NUP98: variants seen among roughly 807,000 people sequenced by gnomAD.
NUP98 encodes the protein nuclear pore complex protein Nup98-Nup96.
In NUP98, 26 loss-of-function variants were observed where a neutral mutation model predicts 191.9. That is an observed-to-expected ratio of 0.14 (90% CI 0.10 to 0.19). The LOEUF (loss-of-function observed/expected upper bound fraction) is 0.19, where lower values mean the gene tolerates loss of function less well. NUP98 is among the 10% of genes least tolerant of loss of function. The pLI is 1.00. For synonymous variants in NUP98, 808 were observed against 778.4 expected (o/e 1.04, Z -0.63); for missense variants, 1,941 against 2,178.8 (o/e 0.89, Z 2.17).
Position 3,751,681 on chromosome 11 carries a change from C to T in NUP98, c.1267+1635G>A, listed in dbSNP as rs1393419604. Among the ~76,000 whole-genome samples the T allele has an allele frequency of 4.6e-5, 7 of 151,388 alleles. No individual in the cohort carries two copies. The South Asian group carries it at 1.3e-3, about 27-fold the overall frequency. On this transcript the variant is annotated intron_variant, in intron 11 of 32. Transcript: ENST00000324932. Reference sequence around the variant, plus strand: ...CGAGACCAGCCTGGGCAAAACAGGTCGACCTCATCTCTCCAAAATATTAAA... The same window carrying T: ...CGAGACCAGCCTGGGCAAAACAGGTTGACCTCATCTCTCCAAAATATTAAA...
rs34103771 is a variant in NUP98, at chr11:3,770,547, TTG to T, written c.784+1199_784+1200del. Among the ~76,000 whole-genome samples, 599 of 146,780 alleles carry T rather than the reference TTG, an allele frequency of 4.1e-3. 2 individuals are homozygous for T. The highest frequency in any genetic ancestry group is 7.0e-3 in the East Asian group (35 of 5,026). On this transcript the variant is annotated intron_variant, in intron 7 of 32. Transcript: ENST00000324932. The stretch of plus-strand genomic sequence containing the variant: ...AAATATAACTTAGATAAATACGTAT[TTG>T]TGTGTGTGTGTGTGTGTGTGTGTGT...
chr11:3,729,714 TCAAAAAAAAAAAAAAAAAAA>T (rs1203828167), intron 14 of NUP98, among the ~76,000 whole-genome samples: 1 of 18,226 alleles, frequency 5.5e-5, no homozygotes. Flanking sequence ...GACTCTTGCC[TCAAAAAAAAAAAAAAAAAAA>T]AAAAAAAGGA....
chr11:3,702,408 T>C (rs1302990326), intron 23 of NUP98, 55 bp downstream of exon 23: 32 of 1,494,652 alleles, frequency 2.1e-5, no homozygotes, highest in Non-Finnish European at 2.7e-5. Context: ...TCCTGATTAG[T>C]TTTTTTCACC....
At chr11:3,747,712 G>A (rs1199779353) in intron 11 of NUP98, among the ~76,000 whole-genome samples, 3 of 152,312 alleles carry the variant, frequency 2.0e-5, no homozygotes, top group Middle Eastern at 3.4e-3. Context: ...GGAGGCTTGA[G>A]TTTGAATCAC....
At chr11:3,687,702 A>AC (rs2078171109) in intron 28 of NUP98, among the ~76,000 whole-genome samples, 1 of 152,262 alleles carries the variant, frequency 6.6e-6, no homozygotes, top group Non-Finnish European at 1.5e-5. Flanking sequence ...AGACGTTGTT[A>AC]AAGATCCTAC....
chr11:3,770,571 G>GTGTA (rs888910213), intron 7 of NUP98, among the ~76,000 whole-genome samples: 3 of 150,194 alleles, frequency 2.0e-5, no homozygotes, highest in African/African-American at 7.3e-5. Context: ...GTGTGTGTGT[G>GTGTA]TGTATGTACA....
intron 10 of NUP98, among the ~76,000 whole-genome samples, chr11:3,758,568 T>C (rs966957246): frequency 1.3e-5 from 2 of 152,162 alleles, no homozygotes; most frequent in African/African-American, 4.8e-5. Flanking sequence ...GCAGATCGCC[T>C]GAGGTCAGGA....
intron 1 of NUP98, among the ~76,000 whole-genome samples, chr11:3,788,182 G>C (rs2082207433): frequency 6.6e-6 from 1 of 152,162 alleles, no homozygotes; most frequent in Admixed American, 6.5e-5. Flanking sequence ...ATTTTAAATA[G>C]TCCATAGCAT....
chr11:3,688,898 G>GA (rs1240009819), intron 28 of NUP98, among the ~76,000 whole-genome samples: 160 of 140,494 alleles, frequency 1.1e-3, no homozygotes, highest in African/African-American at 3.0e-3. Context: ...TGTGACTAGA[G>GA]AAAAAAAAAA....
chr11:3,679,399 C>T (rs751123998), intron 31 of NUP98, 155 bp downstream of exon 31: 25 of 882,314 alleles, frequency 2.8e-5, no homozygotes, highest in East Asian at 1.4e-4. Context: ...CTGTCAGAAA[C>T]GGTTATATCA....
chr11:3,702,078 C>A (rs1395716307), intron 23 of NUP98, among the ~76,000 whole-genome samples: 1 of 151,942 alleles, frequency 6.6e-6, no homozygotes, highest in African/African-American at 2.4e-5. Context: ...ATCACTTGAG[C>A]TCAGGAAACA....
chr11:3,797,274 G>C, intron 1 of NUP98, 126 bp downstream of exon 1: 1 of 397,370 alleles, frequency 2.5e-6, no homozygotes, highest in Non-Finnish European at 4.4e-6. Context: ...TCTCAGGCCA[G>C]AAGGTGCGCG....
At chr11:3,733,083 C>A (rs2079905812) in intron 13 of NUP98, among the ~76,000 whole-genome samples, 1 of 152,212 alleles carries the variant, frequency 6.6e-6, no homozygotes, top group Non-Finnish European at 1.5e-5. Context: ...CGTTTTAACG[C>A]ATCTACTTCA....
rs532617488 is a variant in NUP98 at position 3,684,169 on chromosome 11, G to A, written c.4677-728C>T. ...AGAAATTGCAGTGAGCCGAGATCACGCCATTGCACTCCAGCCTGGGCGACA... is the reference window on the plus strand; with the variant it reads ...AGAAATTGCAGTGAGCCGAGATCACACCATTGCACTCCAGCCTGGGCGACA... On this transcript the variant is annotated intron_variant, in intron 29 of 32. Coordinates refer to ENST00000324932, the MANE Select transcript of NUP98 (RefSeq NM_016320.5). Among the ~76,000 whole-genome samples the A allele has an allele frequency of 6.1e-4, 93 of 152,244 alleles. 1 individual carries two copies. Among genetic ancestry groups the A allele is most frequent in the African/African-American group, 2.2e-3 (90 of 41,540 alleles).
chr11:3,701,250 T>C (rs984143087), intron 23 of NUP98, among the ~76,000 whole-genome samples: 2 of 145,636 alleles, frequency 1.4e-5, no homozygotes, highest in Non-Finnish European at 3.0e-5. Context: ...GCTAGGCTTG[T>C]TCCAATTTTT....
intron 30 of NUP98, among the ~76,000 whole-genome samples, chr11:3,682,418 G>C (rs1428385739): frequency 1.3e-5 from 2 of 152,110 alleles, no homozygotes; most frequent in Non-Finnish European, 2.9e-5. Flanking sequence ...TTAGAGTTGT[G>C]CTACCCTTCC....
chr11:3,741,612 C>T (rs913365360), intron 12 of NUP98, among the ~76,000 whole-genome samples: 1 of 151,884 alleles, frequency 6.6e-6, no homozygotes, highest in Non-Finnish European at 1.5e-5. Context: ...CAGTGCGAAA[C>T]TCCGTCTCAA....
chr11:3,693,444 G>C (rs939967800), intron 26 of NUP98, 69 bp from the exon 27 acceptor site: 1 of 1,457,504 alleles, frequency 6.9e-7, no homozygotes, highest in Non-Finnish European at 9.5e-7. Context: ...CAATAACACT[G>C]AAGTGAATAT....
intron 10 of NUP98, among the ~76,000 whole-genome samples, chr11:3,759,390 A>T (rs1272318945): frequency 6.6e-6 from 1 of 152,182 alleles, no homozygotes; most frequent in African/African-American, 2.4e-5. Context: ...TGAGCTCAGG[A>T]GTTCAAGACG....
Sources: allele counts gnomAD v4.1 joint callset (sites outside exome capture counted in the v4.1 genomes callset), GRCh38; gene constraint gnomAD v4.1.1; transcripts MANE v1.5; gene names NCBI Gene and HGNC (gene_info 2026-07-23, HGNC 2026-07-21).